The following CFAP61 variants were observed in gnomAD, a reference collection of about 807,000 sequenced individuals.
CFAP61 encodes cilia and flagella associated protein 61.
A neutral mutation model predicts 135.6 loss-of-function variants in CFAP61; 107 were observed. The observed-to-expected ratio is 0.79, with a 90% CI of 0.67 to 0.93. The LOEUF (loss-of-function observed/expected upper bound fraction) is 0.93, where lower values mean the gene tolerates loss of function less well. Ranked by LOEUF, CFAP61 falls within the 40% of genes least tolerant of loss-of-function variation. The pLI, the probability that CFAP61 is intolerant of heterozygous loss-of-function variation, is 0.00. For synonymous variants in CFAP61, 575 were observed against 578.5 expected (o/e 0.99, Z 0.09); for missense variants, 1,507 against 1,556.2 (o/e 0.97, Z 0.53).
At chr20:20,189,214 G>A (rs1315284319) in intron 14 of CFAP61, among the ~76,000 whole-genome samples, 1 of 152,008 alleles carries the variant, frequency 6.6e-6, no homozygotes, top group Non-Finnish European at 1.5e-5. Flanking sequence ...ATTTATAAAG[G>A]CATCAGAGTA....
chr20:20,302,970 T>TC (rs1217252712), intron 25 of CFAP61, among the ~76,000 whole-genome samples: 3 of 152,202 alleles, frequency 2.0e-5, no homozygotes, highest in Non-Finnish European at 4.4e-5. Flanking sequence ...AAATTTAAAA[T>TC]CATGAGCTTT....
chr20:20,247,344 A>G (rs2050535303), intron 19 of CFAP61, among the ~76,000 whole-genome samples: 1 of 152,232 alleles, frequency 6.6e-6, no homozygotes. Flanking sequence ...AGGAGAAAAC[A>G]GCTACCGAGG....
intron 18 of CFAP61, among the ~76,000 whole-genome samples, chr20:20,238,505 T>C (rs1449274208): frequency 6.6e-6 from 1 of 152,230 alleles, no homozygotes; most frequent in East Asian, 1.9e-4. Context: ...ATAACAGCAT[T>C]AATTAAAGCA....
intron 20 of CFAP61, among the ~76,000 whole-genome samples, chr20:20,259,120 A>G (rs2051926585): frequency 6.6e-6 from 1 of 152,226 alleles, no homozygotes; most frequent in Non-Finnish European, 1.5e-5. Context: ...GCTACAGTCA[A>G]ATAAGCAGTT....
intron 8 of CFAP61, among the ~76,000 whole-genome samples, chr20:20,104,869 G>C (rs1454516498): frequency 6.6e-6 from 1 of 152,180 alleles, no homozygotes; most frequent in Non-Finnish European, 1.5e-5. Flanking sequence ...GTGCCCATCA[G>C]TGTTTTTGGT....
chr20:20,112,191 T>C (rs1462068393), intron 8 of CFAP61, among the ~76,000 whole-genome samples: 6 of 152,134 alleles, frequency 3.9e-5, no homozygotes, highest in East Asian at 1.9e-4. Context: ...TTCTGTGGCA[T>C]AGAACTTCTA....
chr20:20,060,796 C>T (rs193047879), intron 2 of CFAP61, among the ~76,000 whole-genome samples: 6 of 152,358 alleles, frequency 3.9e-5, no homozygotes, highest in Admixed American at 2.6e-4. Context: ...AGTGCTCCTT[C>T]TCAGAACCCA....
rs79565629 is a variant in CFAP61, at chr20:20,189,271, C to T, written c.1512+1215C>T. ...CAGCACATGGTTTGCTTTGGTTTGT[C>T]TTGCACTCTTTTAGTTCTTCATTTT... On this transcript the variant is annotated intron_variant, in intron 14 of 26. Transcript: ENST00000245957. Among the ~76,000 whole-genome samples, 14 of 152,208 alleles carry T rather than the reference C, an allele frequency of 9.2e-5. No individual in the cohort carries two copies. In the East Asian group the frequency reaches 2.7e-3, roughly 29 times the overall value.
rs778435358 is a variant in CFAP61 at position 20,075,245 on chromosome 20, A to G, written c.428A>G (p.Tyr143Cys). 11 of 1,614,122 alleles carry G rather than the reference A, an allele frequency of 6.8e-6. No homozygotes were observed. The South Asian group carries it at 1.1e-4, about 16-fold the overall frequency. ...LHFIFLIVPS[Y>C]MSLGSTLITV... ...TTCATATTTCTCATCGTGCCATCCT[A>G]CATGAGCCTAGGTAAGGCCCGCCCA... is the stretch of plus-strand genomic sequence containing the variant. Residue 143 changes from tyrosine (Y) to cysteine (C), a missense_variant, in exon 5 of 27, where the codon TAC (tyrosine) becomes TGC (cysteine). Tyr to Cys is a radical substitution (Grantham distance 194). Coordinates refer to ENST00000245957, the MANE Select transcript of CFAP61 (RefSeq NM_015585.4).
chr20:20,176,669 A>G (rs2054651513), intron 13 of CFAP61, among the ~76,000 whole-genome samples: 1 of 152,086 alleles, frequency 6.6e-6, no homozygotes, highest in African/African-American at 2.4e-5. Flanking sequence ...GAACACATGA[A>G]CACATGCGGG....
intron 26 of CFAP61, among the ~76,000 whole-genome samples, 177 bp downstream of exon 26, chr20:20,342,098 A>G (rs2058464333): frequency 6.6e-6 from 1 of 152,220 alleles, no homozygotes; most frequent in Non-Finnish European, 1.5e-5. Flanking sequence ...ATTTCAGGGG[A>G]AGTGATTTTA....
In CFAP61 at chr20:20,069,178, G is replaced by A. The variant is rs907477818; in HGVS notation, c.144-1676G>A. Among the ~76,000 whole-genome samples, 3 of 149,832 alleles carry A rather than the reference G, an allele frequency of 2.0e-5. No individual in the cohort carries two copies. In the South Asian group the frequency reaches 6.2e-4, roughly 31 times the overall value. On this transcript the variant is annotated intron_variant, in intron 2 of 26. Transcript: ENST00000245957. ...AGGAAGCGCATGTGTGTGAGAGACT[G>A]CTGTTTGGTGAACTGCTCTTGTAAA...
At chr20:20,346,538 T>C (rs1181338052) in intron 26 of CFAP61, among the ~76,000 whole-genome samples, 3 of 142,490 alleles carry the variant, frequency 2.1e-5, no homozygotes, top group Non-Finnish European at 4.6e-5. Context: ...AAAAAAAATC[T>C]TCATAACATT....
At chr20:20,340,940 C>CT (rs916330312) in intron 25 of CFAP61, among the ~76,000 whole-genome samples, 1 of 152,136 alleles carries the variant, frequency 6.6e-6, no homozygotes, top group Non-Finnish European at 1.5e-5. Flanking sequence ...TCCTCTAGTG[C>CT]CCCCGTGGCC....
chr20:20,355,639 G>A (rs1402103024), intron 26 of CFAP61, among the ~76,000 whole-genome samples: 3 of 143,986 alleles, frequency 2.1e-5, no homozygotes, highest in Admixed American at 6.9e-5. Context: ...CACACTAAGG[G>A]GAGGTAGTCA....
At chr20:20,313,687 G>T (rs139207683) in intron 25 of CFAP61, among the ~76,000 whole-genome samples, 4 of 152,180 alleles carry the variant, frequency 2.6e-5, no homozygotes, top group African/African-American at 9.7e-5. Flanking sequence ...AGAGCACCTC[G>T]TGGGTGTCTT....
chr20:20,190,602 C>A (rs11907365), intron 14 of CFAP61, among the ~76,000 whole-genome samples: 1 of 151,718 alleles, frequency 6.6e-6, no homozygotes, highest in Admixed American at 6.6e-5. Flanking sequence ...ACACACACCC[C>A]CACAATTGTA....
intron 25 of CFAP61, among the ~76,000 whole-genome samples, chr20:20,303,769 C>T (rs62200183): frequency 0.12 from 18,237 of 152,224 alleles, 1,353 homozygotes; most frequent in East Asian, 0.3. Context: ...CCATCCACCA[C>T]GTCTGGGGCA....
intron 20 of CFAP61, among the ~76,000 whole-genome samples, chr20:20,256,969 G>A (rs1415741843): frequency 6.6e-6 from 1 of 152,100 alleles, no homozygotes. Context: ...CATTTCAGGG[G>A]CTGGGTGATC....
Sources: gnomAD v4.1 joint callset for allele counts (sites outside exome capture counted in the v4.1 genomes callset) on GRCh38, gnomAD v4.1.1 for gene constraint, MANE v1.5 for transcripts, NCBI Gene and HGNC (gene_info 2026-07-23, HGNC 2026-07-21) for gene names.